The following GLRA3 variants were observed in gnomAD, a reference collection of about 807,000 sequenced individuals.
GLRA3 encodes the protein glycine receptor subunit alpha-3.
A neutral mutation model predicts 60.4 loss-of-function variants in GLRA3; 44 were observed. The observed-to-expected ratio is 0.73, with a 90% confidence interval of 0.57 to 0.94. The LOEUF (loss-of-function observed/expected upper bound fraction) is 0.94. Ranked by LOEUF, GLRA3 falls within the 40% of genes least tolerant of loss-of-function variation. The pLI is 0.00. For missense variants in GLRA3, 508 were observed against 564.6 expected (o/e 0.90, Z 1.02); for synonymous variants, 223 against 192.9 (o/e 1.16, Z -1.29).
At chr4:174,814,068 T>C (rs1480556230) in intron 1 of GLRA3, among the ~76,000 whole-genome samples, 1 of 151,546 alleles carries the variant, frequency 6.6e-6, no homozygotes, top group Non-Finnish European at 1.5e-5. Flanking sequence ...CAAGGGGGGG[T>C]ATCCATGACC....
At chr4:174,825,980 A>G (rs1190170907) in intron 1 of GLRA3, among the ~76,000 whole-genome samples, 1 of 152,120 alleles carries the variant, frequency 6.6e-6, no homozygotes, top group Non-Finnish European at 1.5e-5. Flanking sequence ...ATATAAGTGT[A>G]AAAACATAAA....
At chr4:174,775,962 G>T (rs535438982) in intron 2 of GLRA3, among the ~76,000 whole-genome samples, 13 of 152,104 alleles carry the variant, frequency 8.5e-5, no homozygotes, top group African/African-American at 3.1e-4. Context: ...TGAAACAGAG[G>T]TAAGCCTAAA....
chr4:174,810,460 G>A (rs1455175820), intron 1 of GLRA3, among the ~76,000 whole-genome samples: 1 of 151,292 alleles, frequency 6.6e-6, no homozygotes, highest in East Asian at 1.9e-4. Flanking sequence ...ATATACATAT[G>A]TATTTATTTG....
intron 3 of GLRA3, among the ~76,000 whole-genome samples, chr4:174,761,825 T>C (rs1256288973): frequency 6.6e-6 from 1 of 152,202 alleles, no homozygotes; most frequent in Non-Finnish European, 1.5e-5. Flanking sequence ...TGTGTGCACT[T>C]TGTATTAATT....
rs116615899 is a variant in GLRA3, at chr4:174,751,411, T to A, written c.267+15552A>T. 9.3e-3 allele frequency among the ~76,000 whole-genome samples: 1,415 copies of A among 152,200 alleles called. 21 individuals carry two copies. The highest frequency in any genetic ancestry group is 0.032 in the African/African-American group (1,339 of 41,548). On this transcript the variant is annotated intron_variant, in intron 3 of 9. Coordinates refer to ENST00000274093, the MANE Select transcript of GLRA3 (RefSeq NM_006529.4). ...AAAGTAATATGGCCCTTGCATCAGA[T>A]GTGGAAGATAAATGTGAAACAAGTC...
chr4:174,652,520 C>A (rs1733057304), intron 9 of GLRA3, among the ~76,000 whole-genome samples: 1 of 151,978 alleles, frequency 6.6e-6, no homozygotes. Flanking sequence ...TGGAGATAAC[C>A]ATTTAGCTAC....
intron 5 of GLRA3, among the ~76,000 whole-genome samples, chr4:174,714,286 A>G (rs1735825203): frequency 1.3e-5 from 2 of 152,128 alleles, no homozygotes; most frequent in South Asian, 4.2e-4. Flanking sequence ...TAATTTTTCA[A>G]CCAAGATATA....
At chr4:174,671,139 G>T (rs1733890097) in intron 7 of GLRA3, among the ~76,000 whole-genome samples, 1 of 151,914 alleles carries the variant, frequency 6.6e-6, no homozygotes, top group Non-Finnish European at 1.5e-5. Context: ...TACACATTCT[G>T]TCACAGTAAT....
rs1428606495 is a variant in GLRA3 at position 174,639,206 on chromosome 4, G to T, written c.*4580C>A. 2 of 152,158 alleles carry T rather than the reference G, an allele frequency of 1.3e-5. No homozygotes were observed. Among genetic ancestry groups the T allele is most frequent in the East Asian group, 1.9e-4 (1 of 5,192 alleles). The allele number at this position is 152,158 out of a possible 1,614,324, so 9.4% of individuals were successfully genotyped here. A position where few individuals can be genotyped will look rare whatever the true frequency, so the allele number is the denominator to read the frequency against. ...TGTGTTTTTGAGGCAAAAGATTGTT[G>T]CATGATTAAGAGCTGGCCAAATCGA... On this transcript the variant is annotated 3_prime_UTR_variant, in exon 10 of 10. Coordinates refer to ENST00000274093, the MANE Select transcript of GLRA3 (RefSeq NM_006529.4).
chr4:174,794,518 A>T lies in GLRA3; in HGVS notation c.72-5575T>A, dbSNP rs189322860. On this transcript the variant is annotated intron_variant, in intron 1 of 9. Coordinates refer to ENST00000274093, the MANE Select transcript of GLRA3 (RefSeq NM_006529.4). ...ATACACACCACACACTATGCTCACT[A>T]TAATTGTATTGTCCCAAATTCCTGG... 5.3e-5 allele frequency among the ~76,000 whole-genome samples: 8 copies of T among 152,230 alleles called. No homozygotes were observed. In the East Asian group the frequency reaches 1.5e-3, roughly 29 times the overall value.
rs528898172 is a variant in GLRA3 at position 174,638,724 on chromosome 4, G to A, written c.*5062C>T. 5 of 152,240 alleles carry A rather than the reference G, an allele frequency of 3.3e-5. No homozygotes were observed. The highest frequency in any genetic ancestry group is 2.1e-4 in the South Asian group (1 of 4,828). 9.4% of individuals were successfully genotyped at this position (152,240 alleles called of 1,614,324 possible). On this transcript the variant is annotated 3_prime_UTR_variant, in exon 10 of 10. Transcript: ENST00000274093. ...AGAATAAGCTTGTGTAAGTTCACAC[G>A]AATTCTCTCACTTCTGGAATTTTTT...
chr4:174,800,609 CG>C (rs376396016), intron 1 of GLRA3, among the ~76,000 whole-genome samples: 100 of 151,956 alleles, frequency 6.6e-4, no homozygotes, highest in African/African-American at 2.2e-3. Context: ...AAACCCCCCC[CG>C]CCAAAAAAAC....
At chr4:174,670,331 G>A (rs1264819715) in intron 7 of GLRA3, among the ~76,000 whole-genome samples, 3 of 152,054 alleles carry the variant, frequency 2.0e-5, no homozygotes, top group African/African-American at 7.2e-5. Context: ...GAGTTCAAGA[G>A]CTTCATTTAA....
chr4:174,802,508 TG>T (rs1739854241), intron 1 of GLRA3, among the ~76,000 whole-genome samples: 1 of 152,144 alleles, frequency 6.6e-6, no homozygotes, highest in Non-Finnish European at 1.5e-5. Context: ...CTTGTTTTTT[TG>T]TGCATAGTTA....
chr4:174,804,264 C>T (rs961538593), intron 1 of GLRA3, among the ~76,000 whole-genome samples: 9 of 151,802 alleles, frequency 5.9e-5, no homozygotes, highest in Admixed American at 1.3e-4. Flanking sequence ...GGAAAGAGTA[C>T]GGAAAATACA....
chr4:174,717,359 G>GGA (rs1260883381), intron 4 of GLRA3, among the ~76,000 whole-genome samples: 1 of 123,554 alleles, frequency 8.1e-6, no homozygotes, highest in Non-Finnish European at 1.9e-5. Flanking sequence ...AGGAAAGAAA[G>GGA]AAGGAAAGGA....
chr4:174,682,833 A>T lies in GLRA3; in HGVS notation c.681T>A (p.Asp227Glu). ...TGTAATGTTTAGTGCAGTATCGTAA[A>T]TCTTTTTCTTCTTTCAACAGAAACT... ...LPQFLLKEEK[D>E]LRYCTKHYNT... The change falls in exon 6 of 10, where the codon GAT (aspartate) becomes GAA (glutamate). Residue 227 changes from aspartate to glutamate, a missense_variant. Coordinates refer to ENST00000274093, the MANE Select transcript of GLRA3 (RefSeq NM_006529.4). 1 of 1,613,240 alleles carries T rather than the reference A, an allele frequency of 6.2e-7. No individual in the cohort carries two copies. The highest frequency in any genetic ancestry group is 8.5e-7 in the Non-Finnish European group (1 of 1,179,226).
intron 1 of GLRA3, among the ~76,000 whole-genome samples, chr4:174,796,600 G>C (rs114074538): frequency 2.0e-5 from 3 of 151,518 alleles, no homozygotes; most frequent in Non-Finnish European, 2.9e-5. Flanking sequence ...GCAGAGGCGC[G>C]ATCTTGGCTG....
intron 1 of GLRA3, among the ~76,000 whole-genome samples, chr4:174,817,473 A>T (rs560281479): frequency 1.3e-5 from 2 of 152,300 alleles, no homozygotes; most frequent in South Asian, 4.1e-4. Flanking sequence ...CACAAATGAA[A>T]CTAATCTGTA....
Sources: gnomAD v4.1 joint callset for allele counts (sites outside exome capture counted in the v4.1 genomes callset) on GRCh38, gnomAD v4.1.1 for gene constraint, MANE v1.5 for transcripts, NCBI Gene and HGNC (gene_info 2026-07-23, HGNC 2026-07-21) for gene names.